ARMC3: variants seen among roughly 807,000 people sequenced by gnomAD.
ARMC3 encodes the protein armadillo repeat-containing protein 3.
In ARMC3, 74 loss-of-function variants were observed where a neutral mutation model predicts 90.3. That is an observed-to-expected ratio of 0.82 (90% CI 0.68 to 0.99). The LOEUF (loss-of-function observed/expected upper bound fraction) is 0.99, where lower values mean the gene tolerates loss of function less well. Ranked by LOEUF, ARMC3 falls within the 50% of genes least tolerant of loss-of-function variation. The pLI, the probability that ARMC3 is intolerant of heterozygous loss-of-function variation, is 0.00. For missense variants in ARMC3, 958 were observed against 1,042.8 expected (o/e 0.92, Z 1.12); for synonymous variants, 334 against 361.8 (o/e 0.92, Z 0.87).
intron 17 of ARMC3, 156 bp downstream of exon 17, chr10:23,030,952 C>A: frequency 1.2e-6 from 1 of 826,452 alleles, no homozygotes; most frequent in Non-Finnish European, 1.8e-6. Flanking sequence ...GAAAAGTCCT[C>A]AACTTCTATT....
In ARMC3 at chr10:23,013,847, G is replaced by A. The variant is rs573524466; in HGVS notation, c.2045+4916G>A. The stretch of plus-strand genomic sequence containing the variant: ...TGAACAATGAGCTGTTTGAGATCTG[G>A]GACCACGCTTTTTTTTTTATCTTTA... On this transcript the variant is annotated intron_variant, in intron 16 of 18. Coordinates refer to ENST00000298032, the MANE Select transcript of ARMC3 (RefSeq NM_173081.5). 2.0e-4 allele frequency among the ~76,000 whole-genome samples: 28 copies of A among 140,728 alleles called. No individual in the cohort carries two copies. The South Asian group carries it at 5.6e-3, about 28-fold the overall frequency. 92.3% of individuals were successfully genotyped at this position (140,728 alleles called of 152,430 possible). A position where few individuals can be genotyped will look rare whatever the true frequency, so the allele number is the denominator to read the frequency against.
chr10:23,031,588 T>G (rs1268899684), intron 17 of ARMC3, among the ~76,000 whole-genome samples: 1 of 152,178 alleles, frequency 6.6e-6, no homozygotes, highest in Non-Finnish European at 1.5e-5. Flanking sequence ...CAGCCAGAAC[T>G]GGAAGAGAAC....
intron 10 of ARMC3, among the ~76,000 whole-genome samples, chr10:22,988,534 C>A (rs547936577): frequency 1.7e-4 from 26 of 152,080 alleles, no homozygotes; most frequent in Non-Finnish European, 2.9e-4. Context: ...GTTACCATTT[C>A]TTTTATTCTA....
intron 12 of ARMC3, 107 bp downstream of exon 12, chr10:23,002,162 A>C: frequency 2.1e-6 from 3 of 1,443,738 alleles, no homozygotes; most frequent in Non-Finnish European, 2.8e-6. Context: ...CTGCTCTCTC[A>C]GTCCGCTGAA....
intron 7 of ARMC3, among the ~76,000 whole-genome samples, chr10:22,964,762 T>C (rs969842843): frequency 6.1e-4 from 93 of 151,940 alleles, no homozygotes; most frequent in African/African-American, 2.2e-3. Context: ...TTTTTTTTTT[T>C]CTTTAGTGTT....
At chr10:22,986,861 T>A (rs897004858) in intron 10 of ARMC3, among the ~76,000 whole-genome samples, 2 of 151,930 alleles carry the variant, frequency 1.3e-5, no homozygotes, top group Admixed American at 1.3e-4. Flanking sequence ...AGGCAATGAA[T>A]AAGAATAAAA....
chr10:22,997,096 G>C (rs771829466), intron 10 of ARMC3, among the ~76,000 whole-genome samples: 44 of 152,074 alleles, frequency 2.9e-4, no homozygotes, highest in Non-Finnish European at 6.2e-4. Flanking sequence ...TTTAAAATCA[G>C]GATGCTCTCT....
intron 10 of ARMC3, among the ~76,000 whole-genome samples, chr10:22,984,440 T>G (rs572795380): frequency 1.3e-5 from 2 of 152,328 alleles, no homozygotes; most frequent in South Asian, 4.1e-4. Flanking sequence ...GGTAACGCTT[T>G]TTGTAAAACT....
At chr10:22,970,652 T>A (rs925712181) in intron 8 of ARMC3, among the ~76,000 whole-genome samples, 9 of 152,180 alleles carry the variant, frequency 5.9e-5, no homozygotes, top group African/African-American at 2.2e-4. Context: ...GAAACAGAGA[T>A]GCGGTGTTCA....
chr10:23,010,473 TCC>T (rs750685295), intron 16 of ARMC3, among the ~76,000 whole-genome samples: 13,736 of 28,468 alleles, frequency 0.48, 2,637 homozygotes, highest in African/African-American at 0.53. Context: ...CTCCTTCCTT[TCC>T]CTCCTCCCTC....
At chr10:22,947,656 T>G (rs914527618) in intron 3 of ARMC3, among the ~76,000 whole-genome samples, 2 of 152,170 alleles carry the variant, frequency 1.3e-5, no homozygotes, top group East Asian at 3.8e-4. Context: ...AACTAAGTAC[T>G]TTTGTTAATA....
At chr10:23,032,070 A>T (rs1838943551) in intron 17 of ARMC3, among the ~76,000 whole-genome samples, 1 of 152,162 alleles carries the variant, frequency 6.6e-6, no homozygotes, top group Non-Finnish European at 1.5e-5. Context: ...TGGGCAATAT[A>T]GTGAGACTCT....
At chr10:23,005,966 T>TG (rs1837590081) in intron 13 of ARMC3, among the ~76,000 whole-genome samples, 1 of 151,400 alleles carries the variant, frequency 6.6e-6, no homozygotes, top group Non-Finnish European at 1.5e-5. Context: ...AGCCCTGAGG[T>TG]GGGCGGTTGC....
At position 23,037,678 on chromosome 10, in the gene ARMC3, T is replaced by A; in HGVS notation, c.*199T>A. ...TTTCAGGCTTTTGGCAAGAGTTCTG[T>A]CTTATTAGGTCATTTTCCGCTCACT... On this transcript the variant is annotated 3_prime_UTR_variant, in exon 19 of 19. Transcript: ENST00000298032. 2 of 534,566 alleles carry A rather than the reference T, an allele frequency of 3.7e-6. No homozygotes were observed. The highest frequency in any genetic ancestry group is 6.4e-6 in the Non-Finnish European group (2 of 312,962). 33.1% of individuals were successfully genotyped at this position (534,566 alleles called of 1,614,324 possible).
At chr10:22,959,708 T>G in intron 6 of ARMC3, 134 bp downstream of exon 6, 2 of 865,076 alleles carry the variant, frequency 2.3e-6, no homozygotes, top group Non-Finnish European at 3.5e-6. Flanking sequence ...GTATTTATCA[T>G]TCAGAGAAAA....
At position 23,020,215 on chromosome 10, in the gene ARMC3, G is replaced by A. The variant is rs192980852; in HGVS notation, c.2046-10381G>A. ...ATGATCTTGGCTCACTGCAACCTCC[G>A]CCTCCCAGTTCAGGCAATTCTCCTG... On this transcript the variant is annotated intron_variant, in intron 16 of 18. Coordinates refer to ENST00000298032, the MANE Select transcript of ARMC3 (RefSeq NM_173081.5). Among the ~76,000 whole-genome samples the A allele has an allele frequency of 4.6e-5, 7 of 152,124 alleles. No homozygotes were observed. The East Asian group carries it at 5.8e-4, about 13-fold the overall frequency.
Position 22,956,010 on chromosome 10 carries a change from A to T in ARMC3, c.292+78A>T. 2.3e-6 allele frequency: 3 copies of T among 1,308,686 alleles called. No homozygotes were observed. In the South Asian group the frequency reaches 4.6e-5, roughly 20 times the overall value. 81.1% of individuals were successfully genotyped at this position (1,308,686 alleles called of 1,614,324 possible). On this transcript the variant is annotated intron_variant, in intron 4 of 18. Transcript: ENST00000298032. ...ATTCTTTTAAATTTAACATTAAGGA[A>T]TTTGTTTCAATTTTATTTAAACTGA...
intron 1 of ARMC3, 116 bp from the exon 2 acceptor site, chr10:22,931,880 T>C: frequency 1.3e-6 from 1 of 781,638 alleles, no homozygotes; most frequent in Non-Finnish European, 2.1e-6. Context: ...ATGTATTGCA[T>C]TGTGTTTTAG....
At chr10:22,959,629 T>C in intron 6 of ARMC3, 55 bp downstream of exon 6, 1 of 1,506,252 alleles carries the variant, frequency 6.6e-7, no homozygotes, top group Non-Finnish European at 8.9e-7. Flanking sequence ...GAATTTATTT[T>C]CCCATTAAAA....
Sources: gnomAD v4.1 joint callset for allele counts (sites outside exome capture counted in the v4.1 genomes callset) on GRCh38, gnomAD v4.1.1 for gene constraint, MANE v1.5 for transcripts, NCBI Gene and HGNC (gene_info 2026-07-23, HGNC 2026-07-21) for gene names.